Variants in ZNF585A observed in about 807,000 individuals in gnomAD.
The protein encoded by ZNF585A is zinc finger protein 585A.
ZNF585A carries 9 observed loss-of-function variants against 14.9 expected under a neutral mutation model. The observed-to-expected ratio is 0.60, with a 90% CI of 0.36 to 1.05. The LOEUF is 1.05. Ranked by LOEUF, ZNF585A falls within the 50% of genes least tolerant of loss-of-function variation. The probability of loss-of-function intolerance (pLI) is 0.01; values close to 1 mark genes in which losing one functional copy is unlikely to be tolerated. For synonymous variants in ZNF585A, 276 were observed against 319.9 expected (o/e 0.86, Z 1.46); for missense variants, 726 against 926.4 (o/e 0.78, Z 2.81).
chr19:37,151,219 C>A lies in ZNF585A; in HGVS notation c.*370G>T, dbSNP rs114458288. 4,285 of 412,560 alleles carry A rather than the reference C, an allele frequency of 0.01. 175 individuals are homozygous for A. Among genetic ancestry groups the A allele is most frequent in the African/African-American group, 0.078 (3,830 of 48,906 alleles). The allele number at this position is 412,560 out of a possible 1,614,324, so 25.6% of individuals were successfully genotyped here. A position where few individuals can be genotyped will look rare whatever the true frequency, so the allele number is the denominator to read the frequency against. On this transcript the variant is annotated 3_prime_UTR_variant, in exon 5 of 5. Transcript: ENST00000292841. ...CTACGTATTATGTTGTTTTATCATT[C>A]AATTTGTTGGCACTATACCTAATCC...
At chr19:37,165,566 T>C (rs1247902228) in intron 2 of ZNF585A, 4 of 852,410 alleles carry the variant, frequency 4.7e-6, no homozygotes, top group East Asian at 1.2e-4. Context: ...AACATAGCAG[T>C]TGTTTCACTA....
intron 2 of ZNF585A, 143 bp from the exon 3 acceptor site, chr19:37,156,498 A>C: frequency 8.6e-7 from 1 of 1,164,686 alleles, no homozygotes; most frequent in Non-Finnish European, 1.2e-6. Flanking sequence ...CTAATACTTT[A>C]TTATGAAAAT....
intron 2 of ZNF585A, among the ~76,000 whole-genome samples, chr19:37,168,011 G>A (rs1248046931): frequency 6.6e-6 from 1 of 152,198 alleles, no homozygotes; most frequent in East Asian, 1.9e-4. Context: ...TCTGCCTTGA[G>A]AGTAGTGTAC....
At chr19:37,167,094 A>G (rs540022611) in intron 2 of ZNF585A, among the ~76,000 whole-genome samples, 16 of 152,226 alleles carry the variant, frequency 1.1e-4, no homozygotes, top group African/African-American at 3.1e-4. Flanking sequence ...TCAGCCTCCC[A>G]AAGTGCTGGG....
intron 1 of ZNF585A, among the ~76,000 whole-genome samples, chr19:37,170,868 C>T (rs1972170732): frequency 6.6e-6 from 1 of 152,146 alleles, no homozygotes; most frequent in South Asian, 2.1e-4. Flanking sequence ...TACTCAACAC[C>T]TCCCAGGCAC....
At chr19:37,156,186 C>G (rs1971926683) in intron 3 of ZNF585A, 43 bp downstream of exon 3, 1 of 1,604,766 alleles carries the variant, frequency 6.2e-7, no homozygotes, top group Non-Finnish European at 8.5e-7. Context: ...TGAAAACACT[C>G]TCAGTGAGGC....
chr19:37,159,612 G>A (rs1971984051), intron 2 of ZNF585A, among the ~76,000 whole-genome samples: 2 of 152,170 alleles, frequency 1.3e-5, no homozygotes, highest in Admixed American at 1.3e-4. Flanking sequence ...TTCTTTTCAA[G>A]CACCCATAGA....
chr19:37,161,681 G>A (rs1018077571), intron 2 of ZNF585A, among the ~76,000 whole-genome samples: 4 of 152,086 alleles, frequency 2.6e-5, no homozygotes, highest in African/African-American at 4.8e-5. Context: ...CAGCTCAGAT[G>A]TGAAGATGAC....
intron 3 of ZNF585A, 98 bp from the exon 4 acceptor site, chr19:37,156,055 A>C: frequency 6.3e-7 from 1 of 1,581,598 alleles, no homozygotes; most frequent in South Asian, 1.1e-5. Context: ...TTTCTTCAGA[A>C]AAGTAACCAT....
chr19:37,160,366 A>G, intron 2 of ZNF585A, among the ~76,000 whole-genome samples: 1 of 149,104 alleles, frequency 6.7e-6, no homozygotes, highest in East Asian at 1.9e-4. Context: ...AAATAAATAA[A>G]TAAATAAATA....
At position 37,148,775 on chromosome 19, in the gene ZNF585A, A is replaced by G. The variant is rs914171624; in HGVS notation, c.*2814T>C. On this transcript the variant is annotated 3_prime_UTR_variant, in exon 5 of 5. Transcript: ENST00000292841. ...AGGAAGCATCCAACAGTCCTTCAGT[A>G]GGTGAATAAATAAACATCCAGACGA... 2 of 152,224 alleles carry G rather than the reference A, an allele frequency of 1.3e-5. No individual in the cohort carries two copies. Among genetic ancestry groups the G allele is most frequent in the Non-Finnish European group, 2.9e-5 (2 of 68,038 alleles). 9.4% of individuals were successfully genotyped at this position (152,224 alleles called of 1,614,324 possible).
chr19:37,170,386 ATT>A (rs1280755471), intron 1 of ZNF585A, among the ~76,000 whole-genome samples: 1 of 152,236 alleles, frequency 6.6e-6, no homozygotes, highest in Non-Finnish European at 1.5e-5. Context: ...TGTGATAGGT[ATT>A]AGTTACGGTG....
intron 1 of ZNF585A, among the ~76,000 whole-genome samples, chr19:37,171,067 G>A (rs1015230060): frequency 2.6e-5 from 4 of 152,174 alleles, no homozygotes; most frequent in African/African-American, 9.7e-5. Flanking sequence ...GTGATATAAT[G>A]CAGTGATATA....
rs1184901940 is a variant in ZNF585A at position 37,153,595 on chromosome 19, A to G, written c.304T>C (p.Trp102Arg). The G allele has an allele frequency of 1.9e-6, 3 of 1,610,138 alleles. No individual in the cohort carries two copies. Among genetic ancestry groups the G allele is most frequent in the South Asian group, 1.1e-5 (1 of 90,560 alleles). Residue 102 changes from tryptophan (W) to arginine (R), a missense_variant, in exon 5 of 5, where the codon TGG becomes CGG. Trp to Arg is a moderately radical substitution (Grantham distance 101). Transcript: ENST00000292841. ...ATTTTTCTACATTGATTATGGTCCC[A>G]TAATTTCTCTCCTGTTGGAATACAC... is the stretch of plus-strand genomic sequence containing the variant. ...PRQSCPGEKL[W>R]DHNQCRKILS...
At chr19:37,155,584 G>A (rs2145401711) in intron 4 of ZNF585A, among the ~76,000 whole-genome samples, 1 of 152,108 alleles carries the variant, frequency 6.6e-6, no homozygotes, top group Admixed American at 6.5e-5. Flanking sequence ...GAACCCAGGA[G>A]GCGGGGGTTG....
In ZNF585A at chr19:37,153,142, G is replaced by T; in HGVS notation, c.757C>A (p.Gln253Lys). The T allele has an allele frequency of 6.2e-7, 1 of 1,614,054 alleles. No individual in the cohort carries two copies. ...TGATGCATCTTGAGTGTGGACTTTT[G>T]TGTGAATGCTTTGCCACAGTCAGTG... ...ECTDCGKAFT[Q>K]KSTLKMHQKI... Residue 253 changes from glutamine to lysine, a missense_variant, in exon 5 of 5, where the codon CAA (glutamine) becomes AAA (lysine). Physicochemically the swap from Gln to Lys is moderately conservative, Grantham distance 53. Transcript: ENST00000292841.
At chr19:37,163,333 C>G (rs898293360) in intron 2 of ZNF585A, among the ~76,000 whole-genome samples, 2 of 151,040 alleles carry the variant, frequency 1.3e-5, no homozygotes, top group East Asian at 3.9e-4. Context: ...AAATCATAAC[C>G]TCCATGAATT....
At chr19:37,164,017 T>C (rs1321567260) in intron 2 of ZNF585A, among the ~76,000 whole-genome samples, 2 of 152,134 alleles carry the variant, frequency 1.3e-5, no homozygotes, top group Non-Finnish European at 2.9e-5. Context: ...TAGGGCTGAA[T>C]TGCAGGGGAA....
At chr19:37,164,217 G>A (rs180877390) in intron 2 of ZNF585A, among the ~76,000 whole-genome samples, 391 of 152,114 alleles carry the variant, frequency 2.6e-3, no homozygotes, top group African/African-American at 9.1e-3. Flanking sequence ...GGGAGATCGA[G>A]ACCATCCTGG....
Sources: gnomAD v4.1 joint callset for allele counts (sites outside exome capture counted in the v4.1 genomes callset) on GRCh38, gnomAD v4.1.1 for gene constraint, MANE v1.5 for transcripts, NCBI Gene and HGNC (gene_info 2026-07-23, HGNC 2026-07-21) for gene names.